Variants in WNT9B observed in about 807,000 individuals in gnomAD.
The protein encoded by WNT9B is Wnt family member 9B.
A neutral mutation model predicts 30.2 loss-of-function variants in WNT9B; 12 were observed. The ratio of observed to expected loss-of-function variants is 0.40; its 90% CI spans 0.26 to 0.64. The LOEUF is 0.64. WNT9B is among the 30% of genes least tolerant of loss of function. WNT9B has a pLI of 0.42. For missense variants in WNT9B, 442 were observed against 485.2 expected, an observed-to-expected ratio of 0.91 and a Z score of 0.84; for synonymous variants, 218 against 216.9, an observed-to-expected ratio of 1.01 and a Z score of -0.05.
At position 46,878,605 on chromosome 17, in the gene WNT9B, G is replaced by T. The variant is rs1420982479; in HGVS notation, c.*1887G>T. Among the ~76,000 whole-genome samples the T allele has an allele frequency of 1.3e-5, 2 of 152,198 alleles. No homozygotes were observed. The highest frequency in any genetic ancestry group is 6.5e-5 in the Admixed American group (1 of 15,284). ...TTCTTCCACTTCCCCACAGCATGGAGATTTTCTCTGCCTTCCCAATCCATC... is the reference window on the plus strand; with the variant it reads ...TTCTTCCACTTCCCCACAGCATGGATATTTTCTCTGCCTTCCCAATCCATC... On this transcript the variant is annotated 3_prime_UTR_variant, in exon 4 of 4. Transcript: ENST00000290015.
intron 1 of WNT9B, among the ~76,000 whole-genome samples, chr17:46,839,616 T>C (rs9912302): frequency 0.21 from 32,488 of 152,164 alleles, 4,177 homozygotes; most frequent in East Asian, 0.5. Flanking sequence ...ATGTGCCATG[T>C]TGATGTGCTG....
chr17:46,859,310 T>C (rs922211155), intron 1 of WNT9B, among the ~76,000 whole-genome samples: 1 of 152,186 alleles, frequency 6.6e-6, no homozygotes, highest in Non-Finnish European at 1.5e-5. Flanking sequence ...TATGGTTCAT[T>C]TTGAGTTAAC....
chr17:46,883,103 C>T (rs954974648), downstream of WNT9B, among the ~76,000 whole-genome samples: 1 of 151,254 alleles, frequency 6.6e-6, no homozygotes, highest in African/African-American at 2.4e-5. Flanking sequence ...CTCAGCCTCC[C>T]GAGTAGCTGG....
At chr17:46,836,476 G>GT (rs112524385) in intron 1 of WNT9B, among the ~76,000 whole-genome samples, 1,793 of 152,200 alleles carry the variant, frequency 0.012, 14 homozygotes, top group Non-Finnish European at 0.017. Flanking sequence ...ATATCTTTGT[G>GT]TTTTTTTACA....
intron 1 of WNT9B, among the ~76,000 whole-genome samples, chr17:46,843,716 T>A (rs1293367459): frequency 6.6e-6 from 1 of 152,240 alleles, no homozygotes; most frequent in Non-Finnish European, 1.5e-5. Flanking sequence ...GAGCATTAAA[T>A]GGGTTAACAG....
At chr17:46,886,643 A>T (rs2085492127) in exon 5 of WNT9B, 2 of 152,214 alleles carry the variant, frequency 1.3e-5, no homozygotes, top group Non-Finnish European at 2.9e-5. Context: ...CTGCGTGATC[A>T]TGTTGCTGGT....
In WNT9B at chr17:46,879,212, G is replaced by A. The variant is rs1033503181; in HGVS notation, c.*2494G>A. 9.2e-5 allele frequency among the ~76,000 whole-genome samples: 14 copies of A among 152,098 alleles called. No individual in the cohort carries two copies. Among genetic ancestry groups the A allele is most frequent in the African/African-American group, 2.4e-4 (10 of 41,394 alleles). On this transcript the variant is annotated 3_prime_UTR_variant, in exon 4 of 4. Coordinates refer to ENST00000290015, the MANE Select transcript of WNT9B (RefSeq NM_003396.3). ...ACAGGTGGGGTTTGTGTATTTTCCCGGAAACCCTCTGTCTGGGGAGATACA... is the reference window on the plus strand; with the variant it reads ...ACAGGTGGGGTTTGTGTATTTTCCCAGAAACCCTCTGTCTGGGGAGATACA...
exon 5 of WNT9B, chr17:46,886,569 A>G (rs1434450482): frequency 6.6e-6 from 1 of 152,136 alleles, no homozygotes; most frequent in Non-Finnish European, 1.5e-5. Flanking sequence ...AGGTGATTCA[A>G]TTAAGGATGC....
At chr17:46,849,933 C>T (rs1312696809), upstream of WNT9B, among the ~76,000 whole-genome samples, 1 of 151,986 alleles carries the variant, frequency 6.6e-6, no homozygotes, top group African/African-American at 2.4e-5. Flanking sequence ...CTGCAACCTC[C>T]ACCTCCCAGG....
intron 1 of WNT9B, among the ~76,000 whole-genome samples, chr17:46,854,765 AT>A (rs1438784614): frequency 6.6e-6 from 1 of 151,866 alleles, no homozygotes; most frequent in Non-Finnish European, 1.5e-5. Flanking sequence ...GGCTCAAGCA[AT>A]TTTCCTGCCT....
chr17:46,874,126 C>T (rs1267498881), intron 2 of WNT9B, among the ~76,000 whole-genome samples: 1 of 152,120 alleles, frequency 6.6e-6, no homozygotes, highest in Non-Finnish European at 1.5e-5. Flanking sequence ...CACCCAGATG[C>T]ACTGGAGGGC....
At chr17:46,835,818 T>C (rs1162335389) in intron 1 of WNT9B, among the ~76,000 whole-genome samples, 1 of 152,092 alleles carries the variant, frequency 6.6e-6, no homozygotes, top group Non-Finnish European at 1.5e-5. Context: ...CTCAGCCCCC[T>C]TCACTCCCCA....
chr17:46,876,155 C>T, intron 3 of WNT9B, 90 bp from the exon 4 acceptor site: 1 of 1,257,958 alleles, frequency 7.9e-7, no homozygotes, highest in Non-Finnish European at 1.1e-6. Flanking sequence ...ATTCTCCTGC[C>T]TCTGCCCTGC....
At chr17:46,840,004 T>C (rs8076173) in intron 1 of WNT9B, among the ~76,000 whole-genome samples, 7 of 5,130 alleles carry the variant, frequency 1.4e-3, no homozygotes, top group Admixed American at 0.012. Context: ...TTCTTTCTTC[T>C]TTCTTTCTTT....
At chr17:46,849,387 A>C (rs2084812797), upstream of WNT9B, among the ~76,000 whole-genome samples, 1 of 152,210 alleles carries the variant, frequency 6.6e-6, no homozygotes, top group Non-Finnish European at 1.5e-5. Flanking sequence ...GCTTAGGGGC[A>C]TGAGAACAGG....
In WNT9B at chr17:46,851,788, A is replaced by G. The variant is rs1344555689; in HGVS notation, c.77+73A>G. On this transcript the variant is annotated intron_variant, in intron 1 of 3. Coordinates refer to ENST00000290015, the MANE Select transcript of WNT9B (RefSeq NM_003396.3). This position sits in a 1 kb window ranked among gnomAD's most constrained non-coding sequence, Gnocchi z 4.3. Reference sequence around the variant, plus strand: ...TCCCTCCTGCGCTACAGCTGGGCCAATTTTTCCCTCCCGCTGTCCTTGGCC... The same window carrying G: ...TCCCTCCTGCGCTACAGCTGGGCCAGTTTTTCCCTCCCGCTGTCCTTGGCC... 3.8e-6 allele frequency: 3 copies of G among 791,566 alleles called. No individual in the cohort carries two copies. The highest frequency in any genetic ancestry group is 4.4e-5 in the Admixed American group (1 of 22,794). The allele number at this position is 791,566 out of a possible 1,614,324, so 49.0% of individuals were successfully genotyped here.
chr17:46,841,588 GC>G (rs967788284), intron 1 of WNT9B, among the ~76,000 whole-genome samples: 2 of 152,234 alleles, frequency 1.3e-5, no homozygotes, highest in Non-Finnish European at 2.9e-5. Context: ...ACGCAACAGG[GC>G]TTCGGAGAAG....
intron 1 of WNT9B, among the ~76,000 whole-genome samples, chr17:46,870,158 C>T (rs1423742622): frequency 1.3e-5 from 2 of 152,160 alleles, no homozygotes; most frequent in African/African-American, 4.8e-5. Context: ...GCTTGCTCTC[C>T]CCTCTGTCAA....
At position 46,876,725 on chromosome 17, in the gene WNT9B, T is replaced by A; in HGVS notation, c.*7T>A. ...GTACACCTGCAAGCACTAGGCCTAC[T>A]GCCCAGCAAGCCAGTCTGGCACTGC... On this transcript the variant is annotated 3_prime_UTR_variant, in exon 4 of 4. Coordinates refer to ENST00000290015, the MANE Select transcript of WNT9B (RefSeq NM_003396.3). 1 of 1,528,944 alleles carries A rather than the reference T, an allele frequency of 6.5e-7. No homozygotes were observed. The highest frequency in any genetic ancestry group is 2.3e-5 in the East Asian group (1 of 43,708). The allele number at this position is 1,528,944 out of a possible 1,614,324, so 94.7% of individuals were successfully genotyped here. A position where few individuals can be genotyped will look rare whatever the true frequency, so the allele number is the denominator to read the frequency against.
Sources: gnomAD v4.1 joint callset for allele counts (sites outside exome capture counted in the v4.1 genomes callset) on GRCh38, gnomAD v4.1.1 for gene constraint, Gnocchi (gnomAD v3.1) non-coding constraint, MANE v1.5 for transcripts, NCBI Gene and HGNC (gene_info 2026-07-23, HGNC 2026-07-21) for gene names.